HMGB1: variants seen among roughly 807,000 people sequenced by gnomAD.
HMGB1 encodes high mobility group protein B1.
For synonymous variants in HMGB1, 81 were observed against 84.0 expected (o/e 0.96, Z 0.19); for missense variants, 79 against 253.5 (o/e 0.31, Z 4.67).
chr13:30,503,299 G>A (rs992692556), intron 1 of HMGB1, among the ~76,000 whole-genome samples: 7 of 151,792 alleles, frequency 4.6e-5, no homozygotes, highest in East Asian at 1.9e-4. Context: ...AGCCGAGATC[G>A]CGCCACTGCA....
At chr13:30,496,203 AT>A (rs768535498) in intron 1 of HMGB1, among the ~76,000 whole-genome samples, 52 of 152,288 alleles carry the variant, frequency 3.4e-4, no homozygotes, top group Non-Finnish European at 5.7e-4. Context: ...TTAGGAGAGC[AT>A]TTTTTTCCTT....
chr13:30,460,663 G>T lies in HMGB1; in HGVS notation c.*694C>A, dbSNP rs1002141216. On this transcript the variant is annotated 3_prime_UTR_variant, in exon 5 of 5. Coordinates refer to ENST00000341423, the MANE Select transcript of HMGB1 (RefSeq NM_002128.7). ...GTTTGTAAATGTAAGTGGGCTATGTGAAATTTCTTAACTGATCAAGATTTT... is the reference window on the plus strand; with the variant it reads ...GTTTGTAAATGTAAGTGGGCTATGTTAAATTTCTTAACTGATCAAGATTTT... The T allele has an allele frequency of 6.6e-6, 1 of 152,542 alleles. No homozygotes were observed. The highest frequency in any genetic ancestry group is 2.4e-5 in the African/African-American group (1 of 41,440). The allele number at this position is 152,542 out of a possible 1,614,324, so 9.4% of individuals were successfully genotyped here.
intron 1 of HMGB1, among the ~76,000 whole-genome samples, chr13:30,562,619 T>C (rs527280373): frequency 1.3e-5 from 2 of 152,310 alleles, no homozygotes; most frequent in South Asian, 4.1e-4. Context: ...AAATTATCCA[T>C]TTCCAATAGT....
chr13:30,608,900 G>A (rs1461165036), intron 1 of HMGB1, among the ~76,000 whole-genome samples: 1 of 152,172 alleles, frequency 6.6e-6, no homozygotes, highest in Non-Finnish European at 1.5e-5. Flanking sequence ...GTGCCCTCAT[G>A]GAGTTTATAG....
At chr13:30,594,861 C>T (rs185933118) in intron 1 of HMGB1, among the ~76,000 whole-genome samples, 33 of 152,288 alleles carry the variant, frequency 2.2e-4, no homozygotes, top group East Asian at 1.9e-3. Flanking sequence ...TCCACGGCCT[C>T]GCCAACATAC....
chr13:30,577,047 T>C (rs1346405207), intron 1 of HMGB1, among the ~76,000 whole-genome samples: 3 of 152,032 alleles, frequency 2.0e-5, no homozygotes, highest in Admixed American at 6.5e-5. Context: ...AGTGTCCTTA[T>C]AAGAAGAGAC....
At chr13:30,532,507 A>AT (rs1262446573) in intron 1 of HMGB1, among the ~76,000 whole-genome samples, 1 of 151,928 alleles carries the variant, frequency 6.6e-6, no homozygotes, top group East Asian at 1.9e-4. Flanking sequence ...TCAATCCTTT[A>AT]TTTTTTATAT....
intron 1 of HMGB1, among the ~76,000 whole-genome samples, chr13:30,553,380 C>T (rs1020675830): frequency 2.0e-5 from 3 of 152,158 alleles, no homozygotes; most frequent in Non-Finnish European, 4.4e-5. Context: ...CCAGACAGAC[C>T]TGACTTTGAA....
chr13:30,481,727 GT>G (rs1284883084), intron 1 of HMGB1, among the ~76,000 whole-genome samples: 1 of 152,224 alleles, frequency 6.6e-6, no homozygotes, highest in Non-Finnish European at 1.5e-5. Flanking sequence ...TCAGACCCTA[GT>G]TATCCAAGGC....
intron 1 of HMGB1, among the ~76,000 whole-genome samples, chr13:30,519,871 A>C (rs750518678): frequency 1.1e-3 from 166 of 152,330 alleles, no homozygotes; most frequent in Non-Finnish European, 1.3e-4. Context: ...ATGTTCCTTT[A>C]ATTAAACTAA....
At chr13:30,462,429 C>T in intron 4 of HMGB1, 109 bp downstream of exon 4, 2 of 880,488 alleles carry the variant, frequency 2.3e-6, no homozygotes, top group South Asian at 1.3e-5. Flanking sequence ...ATATCAACAC[C>T]ATACTTAATG....
chr13:30,612,683 A>G (rs1950523366), intron 1 of HMGB1, among the ~76,000 whole-genome samples: 1 of 152,232 alleles, frequency 6.6e-6, no homozygotes, highest in Admixed American at 6.5e-5. Context: ...TCTAGTCCTT[A>G]TGACTGATCA....
chr13:30,503,668 T>C (rs1887788676), intron 1 of HMGB1, among the ~76,000 whole-genome samples: 1 of 119,720 alleles, frequency 8.4e-6, no homozygotes, highest in Admixed American at 8.6e-5. Flanking sequence ...TTTTTTTTTT[T>C]TTGAGAAACT....
chr13:30,472,123 C>T (rs1044097190), intron 1 of HMGB1, among the ~76,000 whole-genome samples: 1 of 151,974 alleles, frequency 6.6e-6, no homozygotes, highest in Non-Finnish European at 1.5e-5. Flanking sequence ...ACTAAAAAGA[C>T]CAAAATGAGT....
chr13:30,592,030 T>C (rs1161966258), intron 1 of HMGB1, among the ~76,000 whole-genome samples: 1 of 152,184 alleles, frequency 6.6e-6, no homozygotes, highest in Non-Finnish European at 1.5e-5. Flanking sequence ...TCCTCTCAAT[T>C]TTAACAGAAG....
At chr13:30,526,594 T>C (rs1457842803) in intron 1 of HMGB1, among the ~76,000 whole-genome samples, 2 of 152,172 alleles carry the variant, frequency 1.3e-5, no homozygotes, top group Admixed American at 6.5e-5. Flanking sequence ...CAAATTGCTA[T>C]AATCACAGTG....
At chr13:30,526,124 T>C (rs888856030) in intron 1 of HMGB1, among the ~76,000 whole-genome samples, 1 of 152,198 alleles carries the variant, frequency 6.6e-6, no homozygotes, top group Non-Finnish European at 1.5e-5. Context: ...TAGCATGATA[T>C]TGGCTCAATG....
At chr13:30,569,363 G>A (rs1391117384) in intron 1 of HMGB1, among the ~76,000 whole-genome samples, 2 of 152,068 alleles carry the variant, frequency 1.3e-5, no homozygotes, top group African/African-American at 2.4e-5. Context: ...TTTATATCCT[G>A]TCAAAAAAGT....
chr13:30,462,052 TA>T (rs1358044327), intron 4 of HMGB1, among the ~76,000 whole-genome samples: 1 of 152,236 alleles, frequency 6.6e-6, no homozygotes, highest in Non-Finnish European at 1.5e-5. Context: ...TTTACTGAAC[TA>T]TAAGAGTTAT....
Sources: allele counts gnomAD v4.1 joint callset (sites outside exome capture counted in the v4.1 genomes callset), GRCh38; gene constraint gnomAD v4.1.1; transcripts MANE v1.5; gene names NCBI Gene and HGNC (gene_info 2026-07-23, HGNC 2026-07-21).